NYAP2: variants seen among roughly 807,000 people sequenced by gnomAD.
NYAP2 encodes neuronal tyrosine-phosphorylated phosphoinositide-3-kinase adaptor 2.
A neutral mutation model predicts 50.4 loss-of-function variants in NYAP2; 23 were observed. The observed-to-expected ratio is 0.46, with a 90% CI of 0.33 to 0.65. The LOEUF is 0.65. NYAP2 is among the 30% of genes least tolerant of loss of function. The pLI, the probability that NYAP2 is intolerant of heterozygous loss-of-function variation, is 0.02. For missense variants in NYAP2, 885 were observed against 861.0 expected, an observed-to-expected ratio of 1.03 and a Z score of -0.35; for synonymous variants, 394 against 365.2, an observed-to-expected ratio of 1.08 and a Z score of -0.90.
chr2:225,559,848 A>G (rs1574678114), intron 4 of NYAP2, among the ~76,000 whole-genome samples: 1 of 152,020 alleles, frequency 6.6e-6, no homozygotes, highest in African/African-American at 2.4e-5. Context: ...CTGTATATAT[A>G]TATCTATGCT....
Position 225,582,820 on chromosome 2 carries a change from G to C in NYAP2, c.1403G>C (p.Ser468Thr), listed in dbSNP as rs150128802. 1.2e-6 allele frequency: 2 copies of C among 1,613,892 alleles called. No homozygotes were observed. The highest frequency in any genetic ancestry group is 1.7e-6 in the Non-Finnish European group (2 of 1,179,896). The change falls in exon 5 of 7, where the codon AGC becomes ACC. Residue 468 changes from serine (S) to threonine (T), a missense_variant. Transcript: ENST00000636099. The surrounding 1 kb of genome is among the most constrained non-coding windows in gnomAD (Gnocchi z 7.0). ...GTGCATTCGGGCAGCCTCTCAAGGA[G>C]CTCTCCTTCAGTGCCTCACTCGACC...
At chr2:225,425,250 G>A (rs916810460) in intron 3 of NYAP2, among the ~76,000 whole-genome samples, 5 of 152,062 alleles carry the variant, frequency 3.3e-5, no homozygotes, top group Non-Finnish European at 5.9e-5. Context: ...TGCCAGCCTG[G>A]TTCGTTTTAA....
chr2:225,640,754 G>C (rs780942844), intron 6 of NYAP2, among the ~76,000 whole-genome samples: 1 of 152,074 alleles, frequency 6.6e-6, no homozygotes, highest in Admixed American at 6.5e-5. Context: ...TGCAAAGTCA[G>C]CTAATTACCT....
chr2:225,454,819 C>A (rs1689712275), intron 3 of NYAP2, among the ~76,000 whole-genome samples: 1 of 152,062 alleles, frequency 6.6e-6, no homozygotes, highest in Admixed American at 6.6e-5. Context: ...GAAACCAGTC[C>A]CTGGTGCCAA....
At chr2:225,669,033 G>A in the NYAP2 span, among the ~76,000 whole-genome samples, 4 of 128,790 alleles carry the variant, frequency 3.1e-5, no homozygotes, top group East Asian at 2.5e-4. Context: ...AACTACAGAC[G>A]TAATAGAGGA....
At chr2:225,505,237 T>C (rs374453933) in intron 3 of NYAP2, among the ~76,000 whole-genome samples, 1 of 152,058 alleles carries the variant, frequency 6.6e-6, no homozygotes. Flanking sequence ...ACACAGGAAA[T>C]TAATGTCTGA....
At chr2:225,658,833 G>C (rs1262484319), downstream of NYAP2, among the ~76,000 whole-genome samples, 1 of 152,190 alleles carries the variant, frequency 6.6e-6, no homozygotes, top group African/African-American at 2.4e-5. Context: ...AAAGAATTCA[G>C]AGGGTCATAA....
At chr2:225,504,007 CTT>C (rs1462150403) in intron 3 of NYAP2, among the ~76,000 whole-genome samples, 1 of 151,970 alleles carries the variant, frequency 6.6e-6, no homozygotes, top group Non-Finnish European at 1.5e-5. Context: ...AGGGTGGAAA[CTT>C]ATTAAAAATG....
intron 2 of NYAP2, among the ~76,000 whole-genome samples, chr2:225,408,616 T>A (rs1306596816): frequency 1.3e-5 from 2 of 152,082 alleles, no homozygotes; most frequent in Non-Finnish European, 2.9e-5. Context: ...CCCCTTCCCA[T>A]CATATTTTAG....
intron 3 of NYAP2, among the ~76,000 whole-genome samples, chr2:225,480,813 T>C (rs1258420216): frequency 1.3e-5 from 2 of 152,090 alleles, no homozygotes; most frequent in Admixed American, 6.6e-5. Flanking sequence ...ATATAAATGG[T>C]TTTTACATTA....
intron 5 of NYAP2, among the ~76,000 whole-genome samples, chr2:225,608,536 C>A (rs867508469): frequency 6.6e-6 from 1 of 152,094 alleles, no homozygotes. Context: ...AAATTCAGGT[C>A]TCATTCTTTC....
the NYAP2 span, among the ~76,000 whole-genome samples, chr2:225,665,624 C>A: frequency 6.7e-6 from 1 of 148,500 alleles, no homozygotes; most frequent in Non-Finnish European, 1.5e-5. Flanking sequence ...GCCTGACCAA[C>A]ATGGTGAAAC....
chr2:225,625,229 C>A (rs1693189510), intron 5 of NYAP2, among the ~76,000 whole-genome samples: 1 of 151,886 alleles, frequency 6.6e-6, no homozygotes, highest in African/African-American at 2.4e-5. Flanking sequence ...ACTTGATTTT[C>A]CAGTTCCATC....
At chr2:225,600,057 A>G (rs1389094924) in intron 5 of NYAP2, among the ~76,000 whole-genome samples, 1 of 152,148 alleles carries the variant, frequency 6.6e-6, no homozygotes, top group Admixed American at 6.6e-5. Flanking sequence ...CCAGCTGTGT[A>G]GGAGAACAGA....
intron 3 of NYAP2, among the ~76,000 whole-genome samples, chr2:225,491,199 C>A (rs1005492984): frequency 2.0e-5 from 3 of 152,094 alleles, no homozygotes; most frequent in Admixed American, 6.6e-5. Context: ...AGTTTATTAC[C>A]TTAAGCTTAA....
chr2:225,522,595 T>C (rs145183659), intron 4 of NYAP2, among the ~76,000 whole-genome samples: 13 of 152,300 alleles, frequency 8.5e-5, no homozygotes, highest in African/African-American at 2.2e-4. Flanking sequence ...TTTAATAATG[T>C]CATTTCTCAT....
At chr2:225,574,378 A>G (rs1316747988) in intron 4 of NYAP2, among the ~76,000 whole-genome samples, 3 of 151,972 alleles carry the variant, frequency 2.0e-5, no homozygotes, top group Non-Finnish European at 4.4e-5. Flanking sequence ...AGTTCTCCCT[A>G]CTCTGAGGGC....
the NYAP2 span, among the ~76,000 whole-genome samples, chr2:225,693,663 G>A: frequency 2.0e-4 from 31 of 152,118 alleles, no homozygotes; most frequent in African/African-American, 7.5e-4. Context: ...TCGGCAGCCT[G>A]GCTGAAGGGG....
chr2:225,630,130 G>A (rs1159430524), intron 6 of NYAP2, among the ~76,000 whole-genome samples: 2 of 152,312 alleles, frequency 1.3e-5, no homozygotes, highest in Middle Eastern at 3.4e-3. Context: ...ATGGAACAAA[G>A]TGTTTGGTAT....
Sources: gnomAD v4.1 joint callset for allele counts (sites outside exome capture counted in the v4.1 genomes callset) on GRCh38, gnomAD v4.1.1 for gene constraint, Gnocchi (gnomAD v3.1) non-coding constraint, MANE v1.5 for transcripts, NCBI Gene and HGNC (gene_info 2026-07-23, HGNC 2026-07-21) for gene names.